Variants in FBRSL1 observed in about 807,000 individuals in gnomAD.
FBRSL1 encodes fibrosin-1-like protein.
A neutral mutation model predicts 89.6 loss-of-function variants in FBRSL1; 51 were observed. The ratio of observed to expected loss-of-function variants is 0.57; its 90% CI spans 0.45 to 0.72. The LOEUF (loss-of-function observed/expected upper bound fraction) is 0.72, where lower values mean the gene tolerates loss of function less well. Among genes scored for constraint, FBRSL1 ranks in the 30% least tolerant of loss-of-function variants. The probability of loss-of-function intolerance (pLI) is 0.00; values close to 1 mark genes in which losing one functional copy is unlikely to be tolerated. For missense variants in FBRSL1, 1,618 were observed against 1,451.8 expected, an observed-to-expected ratio of 1.11 and a Z score of -1.86; for synonymous variants, 779 against 681.1, an observed-to-expected ratio of 1.14 and a Z score of -2.24.
intron 4 of FBRSL1, among the ~76,000 whole-genome samples, chr12:132,544,645 C>T (rs113400734): frequency 1.0e-3 from 152 of 151,688 alleles, no homozygotes; most frequent in African/African-American, 3.1e-3. Flanking sequence ...AGGATGGTGA[C>T]GTGAGGACGG....
chr12:132,580,190 C>T (rs1009721396), intron 15 of FBRSL1, among the ~76,000 whole-genome samples: 2 of 152,166 alleles, frequency 1.3e-5, no homozygotes, highest in Non-Finnish European at 2.9e-5. Context: ...CGGGTTCAAG[C>T]GATTCTCCTG....
At position 132,580,767 on chromosome 12, in the gene FBRSL1, A is replaced by G. The variant is rs932793767; in HGVS notation, c.1835-672A>G. On this transcript the variant is annotated intron_variant, in intron 15 of 18. Coordinates refer to ENST00000680143, the MANE Select transcript of FBRSL1 (RefSeq NM_001367871.1). ...GGCTGGGAGGGAGTCGGAGTAACCTAAAGATGACGCCCTGCTGGTCTTTAC... is the reference window on the plus strand; with the variant it reads ...GGCTGGGAGGGAGTCGGAGTAACCTGAAGATGACGCCCTGCTGGTCTTTAC... 12 of 985,132 alleles carry G rather than the reference A, an allele frequency of 1.2e-5. No individual in the cohort carries two copies. In the African/African-American group the frequency reaches 1.7e-4, roughly 14 times the overall value. The allele number at this position is 985,132 out of a possible 1,614,324, so 61.0% of individuals were successfully genotyped here.
At chr12:132,564,577 G>T (rs1418410825) in intron 5 of FBRSL1, among the ~76,000 whole-genome samples, 1 of 143,022 alleles carries the variant, frequency 7.0e-6, no homozygotes, top group African/African-American at 2.6e-5. Flanking sequence ...CTCACTGCAA[G>T]CTCCGCCTCC....
intron 5 of FBRSL1, among the ~76,000 whole-genome samples, chr12:132,562,024 G>T (rs544238036): frequency 6.6e-6 from 1 of 152,198 alleles, no homozygotes; most frequent in East Asian, 1.9e-4. Context: ...GAGGCCCAAA[G>T]GCTGGTCTGG....
chr12:132,536,020 G>T (rs1380237223), intron 4 of FBRSL1, among the ~76,000 whole-genome samples: 9 of 151,894 alleles, frequency 5.9e-5, no homozygotes, highest in Admixed American at 5.2e-4. Flanking sequence ...GTTTGTACAT[G>T]GTGTGTTGTT....
intron 1 of FBRSL1, among the ~76,000 whole-genome samples, chr12:132,502,913 A>T (rs1593253236): frequency 7.2e-6 from 1 of 139,432 alleles, no homozygotes; most frequent in Admixed American, 7.4e-5. Context: ...TGCCCCCTGC[A>T]TTCACACCCG....
intron 4 of FBRSL1, among the ~76,000 whole-genome samples, chr12:132,541,583 G>A (rs2037276599): frequency 6.6e-6 from 1 of 152,226 alleles, no homozygotes; most frequent in South Asian, 2.1e-4. Context: ...GAGGGGTGCG[G>A]ATTCACAGGA....
rs1359201541 is a variant in FBRSL1, at chr12:132,546,202, T to A, written c.616-1801T>A. Among the ~76,000 whole-genome samples, 4 of 152,256 alleles carry A rather than the reference T, an allele frequency of 2.6e-5. No individual in the cohort carries two copies. The highest frequency in any genetic ancestry group is 2.6e-4 in the Admixed American group (4 of 15,292). On this transcript the variant is annotated intron_variant, in intron 4 of 18. Transcript: ENST00000680143. The surrounding 1 kb of genome is among the most constrained non-coding windows in gnomAD (Gnocchi z 4.0). ...GCTGAGCCTGGGCAGTTCCATTTCA[T>A]ACTTTCCTCACCAAACACCAAGGCC...
chr12:132,569,707 A>T (rs2039875897), intron 6 of FBRSL1, among the ~76,000 whole-genome samples: 1 of 151,692 alleles, frequency 6.6e-6, no homozygotes, highest in South Asian at 2.1e-4. Flanking sequence ...GCCACGGCCC[A>T]GGCTCCCAAG....
At chr12:132,502,433 A>G (rs1161043710) in intron 1 of FBRSL1, among the ~76,000 whole-genome samples, 1 of 152,168 alleles carries the variant, frequency 6.6e-6, no homozygotes, top group African/African-American at 2.4e-5. Flanking sequence ...GGCCACAGCC[A>G]GGTGTGATCC....
rs1400559986 is a variant in FBRSL1, at chr12:132,490,767, C to T, written c.197C>T (p.Pro66Leu). 9.5e-6 allele frequency: 11 copies of T among 1,161,674 alleles called. No individual in the cohort carries two copies. Among genetic ancestry groups the T allele is most frequent in the Non-Finnish European group, 1.2e-5 (11 of 946,088 alleles). 72.0% of individuals were successfully genotyped at this position (1,161,674 alleles called of 1,614,324 possible). Residue 66 changes from proline (P) to leucine (L), a missense_variant, in exon 1 of 19, where the codon CCC becomes CTC. By Grantham distance (98) the Pro-to-Leu change is moderately conservative. Coordinates refer to ENST00000680143, the MANE Select transcript of FBRSL1 (RefSeq NM_001367871.1). ...GCCCCCGCGCCCCGCACCGCGCGTCCCCCGCGCCGCCGCCGCCGCGAGTCC... is the reference window on the plus strand; with the variant it reads ...GCCCCCGCGCCCCGCACCGCGCGTCTCCCGCGCCGCCGCCGCCGCGAGTCC... ...GAAPAPRTAR[P>L]PRRRRRESSS...
At position 132,583,903 on chromosome 12, in the gene FBRSL1, G is replaced by T; in HGVS notation, c.*125G>T. 1 of 406,302 alleles carries T rather than the reference G, an allele frequency of 2.5e-6. No homozygotes were observed. The highest frequency in any genetic ancestry group is 3.8e-6 in the Non-Finnish European group (1 of 265,652). 25.2% of individuals were successfully genotyped at this position (406,302 alleles called of 1,614,324 possible). A position where few individuals can be genotyped will look rare whatever the true frequency, so the allele number is the denominator to read the frequency against. On this transcript the variant is annotated 3_prime_UTR_variant, in exon 19 of 19. Coordinates refer to ENST00000680143, the MANE Select transcript of FBRSL1 (RefSeq NM_001367871.1). ...CGCCGCCTCTCCACCCGCAGCCTGCGGAGGCGGGGACTTGGGTGTCGGCTT... is the reference window on the plus strand; with the variant it reads ...CGCCGCCTCTCCACCCGCAGCCTGCTGAGGCGGGGACTTGGGTGTCGGCTT...
Position 132,582,167 on chromosome 12 carries a change from C to G in FBRSL1, c.2102C>G (p.Pro701Arg). ...NRLHRAPPSF[P>R]APPPWPKSVD... is the part of the protein sequence containing the mutation. ...CTGCACCGGGCACCGCCCTCCTTCC[C>G]GGCTCCGCCCCCGTGGCCCAAGTCC... is the stretch of plus-strand genomic sequence containing the variant. The change falls in exon 18 of 19, where the codon CCG becomes CGG. Residue 701 changes from proline to arginine, a missense_variant. Physicochemically the swap from Pro to Arg is moderately radical, Grantham distance 103. Transcript: ENST00000680143. 6.5e-7 allele frequency: 1 copy of G among 1,550,108 alleles called. No individual in the cohort carries two copies. The highest frequency in any genetic ancestry group is 8.7e-7 in the Non-Finnish European group (1 of 1,146,840).
intron 6 of FBRSL1, among the ~76,000 whole-genome samples, chr12:132,568,601 G>GC (rs1202523354): frequency 6.6e-6 from 1 of 152,272 alleles, no homozygotes; most frequent in African/African-American, 2.4e-5. Context: ...GGCACAGGAG[G>GC]CCCCGCACGT....
At chr12:132,526,734 G>A (rs1010825575) in intron 3 of FBRSL1, among the ~76,000 whole-genome samples, 1 of 152,144 alleles carries the variant, frequency 6.6e-6, no homozygotes, top group Admixed American at 6.5e-5. Context: ...CCCCTCAGAG[G>A]GGGTGTTGGA....
chr12:132,572,943 C>T, intron 11 of FBRSL1, among the ~76,000 whole-genome samples: 1 of 152,206 alleles, frequency 6.6e-6, no homozygotes, highest in Non-Finnish European at 1.5e-5. Context: ...GGACAGCAGC[C>T]TCACAGGCCG....
At chr12:132,525,234 G>C (rs1420332622) in intron 2 of FBRSL1, among the ~76,000 whole-genome samples, 1 of 152,260 alleles carries the variant, frequency 6.6e-6, no homozygotes, top group Non-Finnish European at 1.5e-5. Flanking sequence ...AGGAGGTGCT[G>C]TGGGCACAGC....
chr12:132,512,600 C>T (rs977484421), intron 2 of FBRSL1, among the ~76,000 whole-genome samples: 8 of 152,244 alleles, frequency 5.3e-5, no homozygotes, highest in South Asian at 2.1e-4. Flanking sequence ...AGTCTCCTGC[C>T]CTCTTTCCAC....
intron 5 of FBRSL1, 121 bp downstream of exon 5, chr12:132,548,153 G>C: frequency 8.2e-7 from 1 of 1,223,354 alleles, no homozygotes. Flanking sequence ...GGATCCCCCC[G>C]CCCGGTGGGT....
Sources: allele counts gnomAD v4.1 joint callset (sites outside exome capture counted in the v4.1 genomes callset), GRCh38; gene constraint gnomAD v4.1.1; non-coding constraint Gnocchi (gnomAD v3.1); transcripts MANE v1.5; gene names NCBI Gene and HGNC (gene_info 2026-07-23, HGNC 2026-07-21).